Variants in HSD17B4 observed in about 807,000 individuals in gnomAD.
HSD17B4 encodes the protein peroxisomal multifunctional enzyme type 2.
Under a neutral mutation model 101.0 loss-of-function variants are expected in HSD17B4, and 70 were observed. The ratio of observed to expected loss-of-function variants is 0.69; its 90% confidence interval spans 0.57 to 0.85. The LOEUF (loss-of-function observed/expected upper bound fraction) is 0.85. Among genes scored for constraint, HSD17B4 ranks in the 40% least tolerant of loss-of-function variants. The pLI is 0.00. For synonymous variants in HSD17B4, 347 were observed against 297.1 expected, an observed-to-expected ratio of 1.17 and a Z score of -1.73; for missense variants, 984 against 892.4, an observed-to-expected ratio of 1.10 and a Z score of -1.31.
At chr5:119,500,389 G>A (rs956968980) in intron 13 of HSD17B4, among the ~76,000 whole-genome samples, 1 of 151,874 alleles carries the variant, frequency 6.6e-6, no homozygotes, top group Non-Finnish European at 1.5e-5. Context: ...ATATCTATAT[G>A]TAATGTATAA....
intron 16 of HSD17B4, among the ~76,000 whole-genome samples, chr5:119,510,592 G>T (rs994144452): frequency 1.3e-5 from 2 of 152,168 alleles, no homozygotes; most frequent in Non-Finnish European, 2.9e-5. Flanking sequence ...ACCATGACTT[G>T]TAAAAAATTA....
intron 16 of HSD17B4, 81 bp downstream of exon 16, chr5:119,509,325 T>C (rs1751954424): frequency 1.1e-6 from 1 of 912,412 alleles, no homozygotes; most frequent in South Asian, 1.3e-5. Flanking sequence ...CAGCATGAGT[T>C]TGAACTGCAT....
At position 119,481,850 on chromosome 5, in the gene HSD17B4, A is replaced by G. The variant is rs368245897; in HGVS notation, c.622+2829A>G. On this transcript the variant is annotated intron_variant, in intron 8 of 23. Coordinates refer to ENST00000510025, the MANE Select transcript of HSD17B4 (RefSeq NM_000414.4). ...ATTTCACATCACTTTCCTCTTGGTT[A>G]CATGGTTTCAGAAAGGAAGTGTGAC... 2.0e-5 allele frequency among the ~76,000 whole-genome samples: 3 copies of G among 152,176 alleles called. No homozygotes were observed. The East Asian group carries it at 5.8e-4, about 29-fold the overall frequency.
At chr5:119,473,871 A>G (rs1159483985) in intron 2 of HSD17B4, 37 bp from the exon 3 acceptor site, 1 of 1,183,676 alleles carries the variant, frequency 8.4e-7, no homozygotes, top group Non-Finnish European at 1.3e-6. Context: ...GAAAGTCTAG[A>G]ATAATTAATT....
intron 1 of HSD17B4, among the ~76,000 whole-genome samples, chr5:119,455,566 C>CTATA (rs145606093): frequency 0.045 from 5,409 of 119,786 alleles, 101 homozygotes; most frequent in Middle Eastern, 0.09. Flanking sequence ...CTCTCTCTCT[C>CTATA]TCTATATATA....
chr5:119,475,790 C>G (rs760369277), intron 5 of HSD17B4, 34 bp from the exon 6 acceptor site: 5 of 1,577,338 alleles, frequency 3.2e-6, no homozygotes, highest in South Asian at 1.1e-5. Flanking sequence ...TATATACTTT[C>G]CTCCTTTTAC....
intron 9 of HSD17B4, among the ~76,000 whole-genome samples, chr5:119,490,355 G>A (rs1384376833): frequency 3.3e-5 from 5 of 151,888 alleles, no homozygotes; most frequent in African/African-American, 1.2e-4. Flanking sequence ...CCTCATTAAG[G>A]AATTTTTAAA....
At chr5:119,471,786 T>A (rs1335017156) in intron 2 of HSD17B4, 5 of 704,724 alleles carry the variant, frequency 7.1e-6, no homozygotes, top group Non-Finnish European at 9.3e-6. Flanking sequence ...ATTTTGTAAA[T>A]TTTTTCATAA....
At chr5:119,509,319 A>G (rs1011470394) in intron 16 of HSD17B4, 75 bp downstream of exon 16, 1 of 962,508 alleles carries the variant, frequency 1.0e-6, no homozygotes, top group Non-Finnish European at 1.7e-6. Context: ...CTTGAACAGC[A>G]TGAGTTTGAA....
chr5:119,496,513 AT>A (rs768110940), intron 11 of HSD17B4, 29 bp from the exon 12 acceptor site: 117 of 1,127,336 alleles, frequency 1.0e-4, no homozygotes, highest in East Asian at 1.9e-4. Flanking sequence ...ACAAAGCTTT[AT>A]TTTTTTTGTT....
At chr5:119,470,194 G>GT (rs1018940252) in intron 2 of HSD17B4, among the ~76,000 whole-genome samples, 1,465 of 146,192 alleles carry the variant, frequency 0.01, 19 homozygotes, top group African/African-American at 0.032. Context: ...TTGAATGTCT[G>GT]TTTTTTTTTT....
At chr5:119,536,274 T>A in intron 22 of HSD17B4, 149 bp from the exon 23 acceptor site, 1 of 724,172 alleles carries the variant, frequency 1.4e-6, no homozygotes, top group Non-Finnish European at 2.3e-6. Flanking sequence ...AAATGACAGA[T>A]AATGTATAAT....
At chr5:119,536,626 C>G in intron 23 of HSD17B4, 76 bp downstream of exon 23, 1 of 1,377,674 alleles carries the variant, frequency 7.3e-7, no homozygotes, top group Non-Finnish European at 1.0e-6. Flanking sequence ...TAAGCTGATG[C>G]CCAAATTCTG....
chr5:119,511,562 A>G (rs1752169833), intron 16 of HSD17B4, among the ~76,000 whole-genome samples: 1 of 152,232 alleles, frequency 6.6e-6, no homozygotes, highest in South Asian at 2.1e-4. Context: ...ACAACTGGGT[A>G]TGATACCAAA....
At chr5:119,527,832 C>T (rs908553187) in intron 20 of HSD17B4, among the ~76,000 whole-genome samples, 1 of 152,072 alleles carries the variant, frequency 6.6e-6, no homozygotes, top group Admixed American at 6.6e-5. Flanking sequence ...AAAAAATCCA[C>T]AAATTAACAA....
intron 2 of HSD17B4, among the ~76,000 whole-genome samples, chr5:119,470,814 C>G (rs184133476): frequency 2.0e-5 from 3 of 152,238 alleles, no homozygotes; most frequent in African/African-American, 7.2e-5. Flanking sequence ...TTGATGACAT[C>G]TAACCAGTAT....
At chr5:119,470,443 A>G (rs1756249626) in intron 2 of HSD17B4, among the ~76,000 whole-genome samples, 1 of 151,946 alleles carries the variant, frequency 6.6e-6, no homozygotes, top group Non-Finnish European at 1.5e-5. Flanking sequence ...GATAGGGAGG[A>G]CTCAGCTTGT....
At chr5:119,492,361 C>A (rs1750186392) in intron 10 of HSD17B4, 1 of 553,554 alleles carries the variant, frequency 1.8e-6, no homozygotes, top group Non-Finnish European at 3.2e-6. Context: ...TTATTCAGGA[C>A]TTGTCCTGTT....
chr5:119,476,851 G>A (rs1013149908), intron 6 of HSD17B4: 2 of 263,524 alleles, frequency 7.6e-6, no homozygotes, highest in African/African-American at 4.6e-5. Context: ...GAAAACATTT[G>A]TTTTACCAAA....
Sources: gnomAD v4.1 joint callset for allele counts (sites outside exome capture counted in the v4.1 genomes callset) on GRCh38, gnomAD v4.1.1 for gene constraint, MANE v1.5 for transcripts, NCBI Gene and HGNC (gene_info 2026-07-23, HGNC 2026-07-21) for gene names.